VPS8: variants seen among roughly 807,000 people sequenced by gnomAD.
The protein encoded by VPS8 is VPS8 subunit of CORVET complex.
Under a neutral mutation model 216.4 loss-of-function variants are expected in VPS8, and 129 were observed. That is an observed-to-expected ratio of 0.60 (90% CI 0.52 to 0.69). VPS8 has a LOEUF of 0.69. Ranked by LOEUF, VPS8 falls within the 30% of genes least tolerant of loss-of-function variation. The pLI, the probability that VPS8 is intolerant of heterozygous loss-of-function variation, is 0.00. For synonymous variants in VPS8, 571 were observed against 565.4 expected, an observed-to-expected ratio of 1.01 and a Z score of -0.14; for missense variants, 1,531 against 1,683.5, an observed-to-expected ratio of 0.91 and a Z score of 1.59.
chr3:184,825,096 G>A (rs914080474), intron 2 of VPS8: 3 of 279,414 alleles, frequency 1.1e-5, no homozygotes, highest in Admixed American at 4.4e-5. Flanking sequence ...TGTAGAGAGG[G>A]TCTCGCCATG....
intron 46 of VPS8, among the ~76,000 whole-genome samples, chr3:185,044,324 G>T (rs1335305270): frequency 1.3e-5 from 2 of 152,146 alleles, no homozygotes; most frequent in Non-Finnish European, 2.9e-5. Context: ...AGTGACCTTG[G>T]CATATCACTG....
chr3:185,023,989 TTGAGTTGC>T (rs1757012970), intron 45 of VPS8, among the ~76,000 whole-genome samples: 2 of 152,374 alleles, frequency 1.3e-5, no homozygotes, highest in East Asian at 3.9e-4. Flanking sequence ...AGTAGAGATT[TTGAGTTGC>T]CTTCTGCAAG....
Position 184,913,574 on chromosome 3 carries a change from T to C in VPS8, c.2189+13T>C. The C allele has an allele frequency of 6.4e-7, 1 of 1,556,026 alleles. No homozygotes were observed. ...TTGTATATATTAGGTAAGATTGTTT[T>C]ATTTATTCATCTGCATGTATGTTCT... On this transcript the variant is annotated intron_variant, in intron 26 of 47. Coordinates refer to ENST00000625842, the MANE Select transcript of VPS8 (RefSeq NM_001009921.3).
intron 5 of VPS8, among the ~76,000 whole-genome samples, chr3:184,835,205 G>A (rs1466991428): frequency 6.6e-6 from 1 of 151,522 alleles, no homozygotes; most frequent in Non-Finnish European, 1.5e-5. Context: ...TTACAACTTG[G>A]AAACTAGGTA....
intron 21 of VPS8, among the ~76,000 whole-genome samples, 171 bp downstream of exon 21, chr3:184,870,976 G>A (rs1196013233): frequency 5.3e-5 from 8 of 152,150 alleles, no homozygotes; most frequent in Non-Finnish European, 1.2e-4. Context: ...TAAGTAATGG[G>A]TATAAATGAG....
At chr3:184,966,535 G>T in intron 38 of VPS8, 136 bp from the exon 39 acceptor site, 1 of 470,500 alleles carries the variant, frequency 2.1e-6, no homozygotes, top group South Asian at 7.6e-5. Flanking sequence ...GTTTACTTCT[G>T]ACTGACACTA....
chr3:185,050,534 T>C (rs1379174729), intron 47 of VPS8, among the ~76,000 whole-genome samples: 1 of 152,192 alleles, frequency 6.6e-6, no homozygotes, highest in Non-Finnish European at 1.5e-5. Flanking sequence ...GGAAAAACCC[T>C]TTGCCAGAGG....
At chr3:184,995,287 T>TA (rs1752471559) in intron 43 of VPS8, among the ~76,000 whole-genome samples, 1 of 152,172 alleles carries the variant, frequency 6.6e-6, no homozygotes, top group African/African-American at 2.4e-5. Flanking sequence ...TGCTTTTTTT[T>TA]AAGAATCCGA....
intron 8 of VPS8, among the ~76,000 whole-genome samples, chr3:184,848,512 C>T (rs1290491903): frequency 2.1e-5 from 3 of 146,124 alleles, no homozygotes; most frequent in African/African-American, 7.5e-5. Context: ...TTTGGCTTAT[C>T]ATTAGCATTT....
chr3:184,963,736 A>G (rs1350194001), intron 37 of VPS8, among the ~76,000 whole-genome samples: 1 of 152,048 alleles, frequency 6.6e-6, no homozygotes, highest in East Asian at 1.9e-4. Flanking sequence ...TTTACATTAA[A>G]TATGGTATTT....
At chr3:184,897,907 G>A (rs1733806696) in intron 23 of VPS8, among the ~76,000 whole-genome samples, 1 of 151,788 alleles carries the variant, frequency 6.6e-6, no homozygotes, top group African/African-American at 2.4e-5. Context: ...TCCACATTAG[G>A]TCCTTCATCC....
chr3:184,951,506 G>T (rs1744698371), intron 36 of VPS8, among the ~76,000 whole-genome samples: 1 of 151,678 alleles, frequency 6.6e-6, no homozygotes, highest in Admixed American at 6.6e-5. Flanking sequence ...AGAATTTGAT[G>T]TATGTTTTTC....
At chr3:184,901,173 C>G in intron 25 of VPS8, 1 of 558,622 alleles carries the variant, frequency 1.8e-6, no homozygotes, top group Non-Finnish European at 3.2e-6. Context: ...GTACTTGATC[C>G]TTTCCCCACA....
chr3:184,821,172 G>C (rs754336071), intron 1 of VPS8, among the ~76,000 whole-genome samples: 1 of 152,158 alleles, frequency 6.6e-6, no homozygotes, highest in Non-Finnish European at 1.5e-5. Context: ...CTGCAGAGTA[G>C]GTAGTTGCAT....
rs1234948602 is a variant in VPS8, at chr3:184,913,528, T to C, written c.2156T>C (p.Val719Ala). 20 of 1,588,254 alleles carry C rather than the reference T, an allele frequency of 1.3e-5. No individual in the cohort carries two copies. Among genetic ancestry groups the C allele is most frequent in the Non-Finnish European group, 1.6e-5 (19 of 1,168,050 alleles). The change falls in exon 26 of 48, where the codon GTT (valine) becomes GCT (alanine). Residue 719 changes from valine (V) to alanine (A), a missense_variant. By Grantham distance (64) the Val-to-Ala change is moderately conservative. Around this residue, in one of 3 missense-constraint regions of VPS8, gnomAD observed 1,318 missense variants for 1,468.4 expected, o/e 0.90. Transcript: ENST00000625842. ...TCTCTTTCTATTTTAGATGAACAAG[T>C]TGTTATGGGCAATAAGCTCCTTGTA... is the stretch of plus-strand genomic sequence containing the variant. ...NAGKTLTDEQ[V>A]VMGNKLLVYI...
At chr3:184,867,109 A>AT (rs1294017046) in intron 17 of VPS8, among the ~76,000 whole-genome samples, 159 bp downstream of exon 17, 3 of 152,014 alleles carry the variant, frequency 2.0e-5, no homozygotes, top group African/African-American at 4.8e-5. Flanking sequence ...TTAGTTAATT[A>AT]TTTTTTTCCT....
intron 45 of VPS8, among the ~76,000 whole-genome samples, chr3:185,022,458 CTG>C (rs1359996060): frequency 6.6e-6 from 1 of 152,182 alleles, no homozygotes; most frequent in Non-Finnish European, 1.5e-5. Flanking sequence ...TGATAACAAA[CTG>C]AATTTATTTA....
At chr3:184,856,239 A>G (rs1725232405) in intron 14 of VPS8, among the ~76,000 whole-genome samples, 1 of 152,228 alleles carries the variant, frequency 6.6e-6, no homozygotes, top group African/African-American at 2.4e-5. Flanking sequence ...ACAGCTTATA[A>G]TCTTGTTTGA....
intron 7 of VPS8, among the ~76,000 whole-genome samples, chr3:184,841,192 T>C (rs1285744955): frequency 1.3e-5 from 2 of 152,048 alleles, no homozygotes; most frequent in Non-Finnish European, 2.9e-5. Flanking sequence ...TAGTAGAAAA[T>C]ATAGAAAATA....
Sources: gnomAD v4.1 joint callset for allele counts (sites outside exome capture counted in the v4.1 genomes callset) on GRCh38, gnomAD v4.1.1 for gene constraint, gnomAD v4.1.1 regional missense constraint, MANE v1.5 for transcripts, NCBI Gene and HGNC (gene_info 2026-07-23, HGNC 2026-07-21) for gene names.